PPFIA2: variants seen among roughly 807,000 people sequenced by gnomAD.
PPFIA2 encodes the protein PPFI scaffold protein A2, also known as liprin-alpha-2.
In PPFIA2, 46 loss-of-function variants were observed where a neutral mutation model predicts 175.5. That is an observed-to-expected ratio of 0.26 (90% CI 0.21 to 0.34). PPFIA2 has a LOEUF of 0.34. Ranked by LOEUF, PPFIA2 falls within the 10% of genes least tolerant of loss-of-function variation. PPFIA2 has a pLI of 1.00. For missense variants in PPFIA2, 1,179 were observed against 1,506.1 expected (o/e 0.78, Z 3.60); for synonymous variants, 568 against 511.4 (o/e 1.11, Z -1.49).
intron 27 of PPFIA2, among the ~76,000 whole-genome samples, chr12:81,280,103 A>C (rs998180097): frequency 2.4e-4 from 36 of 152,224 alleles, no homozygotes; most frequent in Non-Finnish European, 4.9e-4. Flanking sequence ...GATACCCACA[A>C]ATAAATGCAA....
intron 13 of PPFIA2, among the ~76,000 whole-genome samples, chr12:81,368,383 A>G (rs919739988): frequency 4.0e-5 from 6 of 151,678 alleles, no homozygotes; most frequent in African/African-American, 1.5e-4. Flanking sequence ...CCTTCCCCCC[A>G]AAAAAGTATT....
intron 4 of PPFIA2, among the ~76,000 whole-genome samples, chr12:81,544,823 G>A (rs993733092): frequency 2.2e-4 from 33 of 151,944 alleles, no homozygotes; most frequent in East Asian, 1.9e-4. Flanking sequence ...CCAAATCACC[G>A]TCATTACTAC....
intron 3 of PPFIA2, among the ~76,000 whole-genome samples, chr12:81,733,237 A>G (rs1002228816): frequency 6.6e-6 from 1 of 151,712 alleles, no homozygotes; most frequent in African/African-American, 2.4e-5. Context: ...ACTTCTCCAG[A>G]AATATAAAGC....
At chr12:81,731,051 A>G (rs2080832242) in intron 3 of PPFIA2, among the ~76,000 whole-genome samples, 1 of 151,648 alleles carries the variant, frequency 6.6e-6, no homozygotes. Flanking sequence ...TCTTATTGCA[A>G]CTGCCAGAGC....
rs1664360403 is a variant in PPFIA2 at position 81,281,316 on chromosome 12, T to C, written c.3153A>G (p.Leu1051=). The C allele has an allele frequency of 6.2e-7, 1 of 1,611,618 alleles. No homozygotes were observed. Among genetic ancestry groups the C allele is most frequent in the Middle Eastern group, 1.7e-4 (1 of 6,050 alleles). Residue 1051 remains leucine (L), a synonymous_variant, in exon 27 of 33, where the codon TTA becomes TTG. Coordinates refer to ENST00000549396, the MANE Select transcript of PPFIA2 (RefSeq NM_003625.5). Reference sequence around the variant, plus strand: ...GGAGATCTTTTTTTGTTAGGTGATCTAACATTCTTGCATCTACCAAGCATT... The same window carrying C: ...GGAGATCTTTTTTTGTTAGGTGATCCAACATTCTTGCATCTACCAAGCATT... The part of the protein sequence containing the change: ...FMECLVDARM[L]DHLTKKDLRV...
intron 4 of PPFIA2, among the ~76,000 whole-genome samples, chr12:81,618,101 GT>G (rs1210070681): frequency 1.3e-5 from 2 of 152,096 alleles, no homozygotes; most frequent in African/African-American, 4.8e-5. Context: ...CCCTCCACCA[GT>G]TAAGTGTCTG....
chr12:81,705,213 GC>G (rs2076976608), intron 3 of PPFIA2, among the ~76,000 whole-genome samples: 1 of 151,204 alleles, frequency 6.6e-6, no homozygotes, highest in Admixed American at 6.6e-5. Flanking sequence ...AGTTTGGGAG[GC>G]CGAGGCGGGC....
At chr12:81,672,069 C>G (rs2071527219) in intron 4 of PPFIA2, among the ~76,000 whole-genome samples, 1 of 151,732 alleles carries the variant, frequency 6.6e-6, no homozygotes, top group African/African-American at 2.4e-5. Context: ...AAAACCTAAC[C>G]AAATGCTATA....
chr12:81,492,551 G>C (rs2147105030), intron 4 of PPFIA2, among the ~76,000 whole-genome samples: 1 of 152,174 alleles, frequency 6.6e-6, no homozygotes, highest in Non-Finnish European at 1.5e-5. Flanking sequence ...GAGGAGTGTG[G>C]CATTTGAGCA....
intron 4 of PPFIA2, chr12:81,505,704 A>G (rs532051337): frequency 2.0e-5 from 3 of 152,340 alleles, no homozygotes; most frequent in East Asian, 3.9e-4. Flanking sequence ...CCTCTTGTAC[A>G]TGTGTATGCC....
intron 28 of PPFIA2, among the ~76,000 whole-genome samples, chr12:81,275,609 C>G (rs1043774256): frequency 2.6e-5 from 4 of 152,098 alleles, no homozygotes; most frequent in African/African-American, 7.2e-5. Context: ...AACAGAGATT[C>G]ATGCCTACCC....
intron 3 of PPFIA2, among the ~76,000 whole-genome samples, chr12:81,745,979 G>A (rs1272340979): frequency 6.8e-6 from 1 of 146,178 alleles, no homozygotes; most frequent in African/African-American, 2.4e-5. Context: ...TTCTCTTTTA[G>A]CTTTTCCAAC....
intron 11 of PPFIA2, 72 bp from the exon 12 acceptor site, chr12:81,369,266 A>T (rs1566498986): frequency 6.4e-7 from 1 of 1,558,404 alleles, no homozygotes; most frequent in Non-Finnish European, 8.7e-7. Context: ...ATAAATTGAA[A>T]TAAAATGTAA....
At chr12:81,271,628 TTATAA>T (rs2039140422) in intron 28 of PPFIA2, among the ~76,000 whole-genome samples, 1 of 152,216 alleles carries the variant, frequency 6.6e-6, no homozygotes, top group Non-Finnish European at 1.5e-5. Flanking sequence ...CACTTAAAGC[TTATAA>T]TATGTGTTCT....
At chr12:81,676,898 C>A in intron 3 of PPFIA2, 54 bp from the exon 4 acceptor site, 1 of 1,242,510 alleles carries the variant, frequency 8.0e-7, no homozygotes, top group East Asian at 2.7e-5. Context: ...CATGAAGAAT[C>A]CCCCAGTCCC....
intron 6 of PPFIA2, among the ~76,000 whole-genome samples, chr12:81,443,744 C>T (rs1347158683): frequency 6.6e-6 from 1 of 151,264 alleles, no homozygotes; most frequent in Non-Finnish European, 1.5e-5. Flanking sequence ...CTTCTTACAG[C>T]TCTGGGTTAT....
intron 7 of PPFIA2, among the ~76,000 whole-genome samples, chr12:81,432,619 C>A (rs888292969): frequency 2.6e-5 from 4 of 151,938 alleles, no homozygotes; most frequent in East Asian, 3.9e-4. Context: ...GCACGCACCA[C>A]CATGCCCAGA....
rs2036219934 is a variant in PPFIA2, at chr12:81,263,257, C to G, written c.3689G>C (p.Gly1230Ala). The G allele has an allele frequency of 6.2e-7, 1 of 1,610,528 alleles. No homozygotes were observed. The highest frequency in any genetic ancestry group is 2.2e-5 in the East Asian group (1 of 44,838). Residue 1230 changes from glycine to alanine, a missense_variant, in exon 31 of 33, where the codon GGG becomes GCG. Physicochemically the swap from Gly to Ala is moderately conservative, Grantham distance 60. Coordinates refer to ENST00000549396, the MANE Select transcript of PPFIA2 (RefSeq NM_003625.5). ...PAGFRLTTTS[G>A]QSRKMTTDVA... ...ATCTGTTGTCATTTTTCTTGACTGC[C>G]CAGAGGTTGTGGTTAACCTAAATCC...
At chr12:81,496,604 T>A (rs2060050561) in intron 4 of PPFIA2, among the ~76,000 whole-genome samples, 1 of 152,086 alleles carries the variant, frequency 6.6e-6, no homozygotes, top group South Asian at 2.1e-4. Context: ...CAATCATAAA[T>A]CCACGTGAAT....
Sources: gnomAD v4.1 joint callset for allele counts (sites outside exome capture counted in the v4.1 genomes callset) on GRCh38, gnomAD v4.1.1 for gene constraint, MANE v1.5 for transcripts, NCBI Gene and HGNC (gene_info 2026-07-23, HGNC 2026-07-21) for gene names.